Variants in CATSPERE observed in about 807,000 individuals in gnomAD.
CATSPERE encodes cation channel sperm-associated auxiliary subunit epsilon.
In CATSPERE, 93 loss-of-function variants were observed where a neutral mutation model predicts 114.1. The ratio of observed to expected loss-of-function variants is 0.81; its 90% CI spans 0.69 to 0.97. The LOEUF (loss-of-function observed/expected upper bound fraction) is 0.97, where lower values mean the gene tolerates loss of function less well. CATSPERE is among the 50% of genes least tolerant of loss of function. CATSPERE has a pLI of 0.00. For synonymous variants in CATSPERE, 341 were observed against 384.1 expected (o/e 0.89, Z 1.31); for missense variants, 1,058 against 1,131.6 (o/e 0.93, Z 0.93).
intron 9 of CATSPERE, among the ~76,000 whole-genome samples, chr1:244,556,724 G>A (rs887711980): frequency 1.3e-5 from 2 of 152,130 alleles, no homozygotes; most frequent in Admixed American, 6.6e-5. Flanking sequence ...TTAATAACTA[G>A]TACAATTTCA....
In CATSPERE at chr1:244,504,154, A is replaced by C. The variant is rs1674484554; in HGVS notation, c.429+5075A>C. Among the ~76,000 whole-genome samples, 1 of 152,236 alleles carries C rather than the reference A, an allele frequency of 6.6e-6. No individual in the cohort carries two copies. Among genetic ancestry groups the C allele is most frequent in the Admixed American group, 6.5e-5 (1 of 15,290 alleles). On this transcript the variant is annotated intron_variant, in intron 7 of 21. Coordinates refer to ENST00000366534, the MANE Select transcript of CATSPERE (RefSeq NM_001130957.2). The surrounding 1 kb of genome is among the most constrained non-coding windows in gnomAD (Gnocchi z 4.1). ...GTTCACCATGTTTAACAAATAAAAG[A>C]GCACACAAATATCCAGCTATTTATC...
chr1:244,481,690 T>G (rs12130415), intron 5 of CATSPERE, among the ~76,000 whole-genome samples: 4,075 of 152,150 alleles, frequency 0.027, 83 homozygotes, highest in Non-Finnish European at 0.038. Flanking sequence ...GGTCACGCCT[T>G]TGGGAAGTGG....
intron 10 of CATSPERE, among the ~76,000 whole-genome samples, chr1:244,562,153 CAAAAAA>C (rs11313998): frequency 1.4e-5 from 1 of 70,182 alleles, no homozygotes; most frequent in Admixed American, 1.7e-4. Flanking sequence ...GATCCTGTCT[CAAAAAA>C]AAAAAAAAAA....
chr1:244,637,389 A>G (rs899856237), intron 21 of CATSPERE, among the ~76,000 whole-genome samples: 1 of 152,096 alleles, frequency 6.6e-6, no homozygotes, highest in East Asian at 1.9e-4. Flanking sequence ...GCCTTACCAC[A>G]TCCTTGGTGA....
At chr1:244,477,715 C>T in intron 3 of CATSPERE, 101 bp downstream of exon 3, 1 of 1,028,424 alleles carries the variant, frequency 9.7e-7, no homozygotes, top group South Asian at 1.5e-5. Context: ...TATAAATTTT[C>T]TTTCATTAAG....
intron 1 of CATSPERE, among the ~76,000 whole-genome samples, chr1:244,462,881 T>C (rs1247983108): frequency 2.0e-5 from 3 of 152,170 alleles, no homozygotes; most frequent in African/African-American, 7.2e-5. Flanking sequence ...TTTAAAGCTT[T>C]AGGGATGGAG....
intron 6 of CATSPERE, among the ~76,000 whole-genome samples, chr1:244,493,867 G>A (rs1281166983): frequency 2.6e-5 from 4 of 152,126 alleles, no homozygotes; most frequent in Non-Finnish European, 4.4e-5. Flanking sequence ...TCAATCACTG[G>A]CCATCAGAGA....
Position 244,461,352 on chromosome 1 carries a change from C to G in CATSPERE, c.-78C>G. On this transcript the variant is annotated 5_prime_UTR_variant, in exon 1 of 22. Coordinates refer to ENST00000366534, the MANE Select transcript of CATSPERE (RefSeq NM_001130957.2). ...GACCCAGGCGCCTGCAGCCGCCCGC[C>G]GGGCCGACGTCCCACGGGAATGCGC... The G allele has an allele frequency of 8.1e-7, 1 of 1,237,880 alleles. No individual in the cohort carries two copies. The highest frequency in any genetic ancestry group is 1.0e-6 in the Non-Finnish European group (1 of 970,380). 76.7% of individuals were successfully genotyped at this position (1,237,880 alleles called of 1,614,324 possible).
intron 8 of CATSPERE, among the ~76,000 whole-genome samples, chr1:244,544,368 C>A (rs760252601): frequency 6.6e-6 from 1 of 152,116 alleles, no homozygotes; most frequent in African/African-American, 2.4e-5. Flanking sequence ...TATCAGAATG[C>A]GGGCTTATGG....
At chr1:244,519,457 T>TG (rs1441783211) in intron 8 of CATSPERE, among the ~76,000 whole-genome samples, 1 of 152,218 alleles carries the variant, frequency 6.6e-6, no homozygotes, top group Admixed American at 6.5e-5. Flanking sequence ...GATTCCCTGT[T>TG]GGGGCCACTG....
chr1:244,503,061 A>T (rs1674315177), intron 7 of CATSPERE, among the ~76,000 whole-genome samples: 1 of 152,148 alleles, frequency 6.6e-6, no homozygotes, highest in Non-Finnish European at 1.5e-5. Flanking sequence ...TGAGTTGATG[A>T]TGCTAGAGTT....
chr1:244,599,054 G>A (rs746962387), intron 17 of CATSPERE, among the ~76,000 whole-genome samples: 6 of 152,018 alleles, frequency 3.9e-5, no homozygotes, highest in African/African-American at 7.2e-5. Context: ...CTGGTTTGCC[G>A]CCGTGTCTGG....
At chr1:244,486,174 T>A (rs1038448589) in intron 5 of CATSPERE, among the ~76,000 whole-genome samples, 2 of 152,380 alleles carry the variant, frequency 1.3e-5, no homozygotes, top group Non-Finnish European at 2.9e-5. Context: ...AATATAAAGC[T>A]TTTTTCTCCT....
chr1:244,490,501 T>C, intron 6 of CATSPERE, 30 bp downstream of exon 6: 2 of 1,249,616 alleles, frequency 1.6e-6, no homozygotes, highest in South Asian at 1.3e-5. Flanking sequence ...TTGTATAGCC[T>C]TCATATATCA....
At chr1:244,499,544 T>C (rs570775568) in intron 7 of CATSPERE, among the ~76,000 whole-genome samples, 1 of 137,486 alleles carries the variant, frequency 7.3e-6, no homozygotes, top group East Asian at 2.5e-4. Context: ...CTCCCTGTGT[T>C]CATGTGTTCT....
intron 11 of CATSPERE, among the ~76,000 whole-genome samples, chr1:244,577,882 G>T (rs1665529865): frequency 1.3e-5 from 2 of 151,992 alleles, no homozygotes; most frequent in Non-Finnish European, 2.9e-5. Context: ...AGATACCAAA[G>T]GCATATTTTC....
intron 6 of CATSPERE, among the ~76,000 whole-genome samples, chr1:244,490,680 C>G (rs1671933891): frequency 6.6e-6 from 1 of 151,940 alleles, no homozygotes. Flanking sequence ...GGATCTTCCC[C>G]CCTTTTACTT....
intron 11 of CATSPERE, among the ~76,000 whole-genome samples, chr1:244,578,843 T>TATATATATATACAC (rs756669283): frequency 3.6e-5 from 5 of 139,598 alleles, no homozygotes; most frequent in African/African-American, 1.4e-4. Flanking sequence ...TATATATATA[T>TATATATATATACAC]ACACACACAC....
intron 8 of CATSPERE, among the ~76,000 whole-genome samples, chr1:244,522,008 C>G (rs1014056815): frequency 6.6e-6 from 1 of 152,110 alleles, no homozygotes; most frequent in African/African-American, 2.4e-5. Flanking sequence ...ACAGAACTCT[C>G]CACCCCAAAT....
Sources: gnomAD v4.1 joint callset for allele counts (sites outside exome capture counted in the v4.1 genomes callset) on GRCh38, gnomAD v4.1.1 for gene constraint, Gnocchi (gnomAD v3.1) non-coding constraint, MANE v1.5 for transcripts, NCBI Gene and HGNC (gene_info 2026-07-23, HGNC 2026-07-21) for gene names.